The following NUMB variants were observed in gnomAD, a reference collection of about 807,000 sequenced individuals.
NUMB encodes NUMB endocytic adaptor protein, also known as protein numb homolog.
Under a neutral mutation model 59.7 loss-of-function variants are expected in NUMB, and 29 were observed. The ratio of observed to expected loss-of-function variants is 0.49; its 90% CI spans 0.36 to 0.66. NUMB has a LOEUF of 0.66. NUMB is among the 30% of genes least tolerant of loss of function. The pLI, the probability that NUMB is intolerant of heterozygous loss-of-function variation, is 0.00. For missense variants in NUMB, 723 were observed against 822.0 expected (o/e 0.88, Z 1.47); for synonymous variants, 288 against 288.2 (o/e 1.00, Z 0.01).
chr14:73,332,593 C>T (rs1892043941), intron 4 of NUMB, among the ~76,000 whole-genome samples: 1 of 151,790 alleles, frequency 6.6e-6, no homozygotes, highest in Admixed American at 6.6e-5. Flanking sequence ...GCTGCTCCAT[C>T]AGCTGTCATC....
At chr14:73,321,917 TC>T (rs1891424730) in intron 5 of NUMB, among the ~76,000 whole-genome samples, 1 of 152,202 alleles carries the variant, frequency 6.6e-6, no homozygotes. Context: ...TATGACAGAT[TC>T]AGGTATTTAT....
intron 1 of NUMB, among the ~76,000 whole-genome samples, chr14:73,453,232 A>G (rs1391302693): frequency 6.6e-6 from 1 of 152,146 alleles, no homozygotes; most frequent in Non-Finnish European, 1.5e-5. Flanking sequence ...TCCTGGGTTC[A>G]AGTGATTCTC....
At chr14:73,313,201 G>A (rs1465898697) in intron 6 of NUMB, among the ~76,000 whole-genome samples, 1 of 151,898 alleles carries the variant, frequency 6.6e-6, no homozygotes, top group African/African-American at 2.4e-5. Flanking sequence ...TGTTGGTCAG[G>A]CTGGTCTTGA....
rs34582645 is a variant in NUMB, at chr14:73,423,966, C to CAAA, written c.-232-13901_-232-13899dup. ...GGGTGACAGAGTGAGACCCTGTCTC[C>CAAA]AAAAAAAAAAAAAAAAAAAAAAGAC... On this transcript the variant is annotated intron_variant, in intron 1 of 12. Transcript: ENST00000555238. Among the ~76,000 whole-genome samples the CAAA allele has an allele frequency of 2.2e-3, 163 of 74,170 alleles. 1 individual carries two copies. The highest frequency in any genetic ancestry group is 6.9e-3 in the African/African-American group (147 of 21,178). The allele number at this position is 74,170 out of a possible 152,430, so 48.7% of individuals were successfully genotyped here.
intron 7 of NUMB, among the ~76,000 whole-genome samples, chr14:73,295,022 T>C (rs1889678712): frequency 8.0e-6 from 1 of 124,834 alleles, no homozygotes; most frequent in Non-Finnish European, 1.6e-5. Context: ...TCTGTGCCAC[T>C]GTACTCCAGC....
At chr14:73,331,411 G>A (rs1198923582) in intron 4 of NUMB, among the ~76,000 whole-genome samples, 2 of 152,098 alleles carry the variant, frequency 1.3e-5, no homozygotes, top group African/African-American at 2.4e-5. Context: ...CGGGCGTGGT[G>A]GTGGTGGGCA....
At chr14:73,451,051 G>C (rs1486034353) in intron 1 of NUMB, among the ~76,000 whole-genome samples, 3 of 150,268 alleles carry the variant, frequency 2.0e-5, no homozygotes, top group Non-Finnish European at 4.4e-5. Context: ...CTACTTGAGA[G>C]GCTGAGGCAG....
At chr14:73,370,552 C>T (rs534741936) in intron 2 of NUMB, among the ~76,000 whole-genome samples, 78 of 152,160 alleles carry the variant, frequency 5.1e-4, no homozygotes, top group African/African-American at 1.5e-3. Flanking sequence ...ATTAGCCGGG[C>T]GTGATGGCAC....
chr14:73,349,723 C>T (rs986656407), intron 4 of NUMB, among the ~76,000 whole-genome samples: 1 of 151,772 alleles, frequency 6.6e-6, no homozygotes, highest in African/African-American at 2.4e-5. Context: ...ACTATAAATA[C>T]AAAAAATTAG....
chr14:73,341,616 T>C (rs1892633268), intron 4 of NUMB, among the ~76,000 whole-genome samples: 1 of 152,152 alleles, frequency 6.6e-6, no homozygotes, highest in Non-Finnish European at 1.5e-5. Flanking sequence ...ACAGTACAGG[T>C]AGGATCACAG....
At chr14:73,404,824 G>C (rs967055056) in intron 2 of NUMB, among the ~76,000 whole-genome samples, 3 of 151,370 alleles carry the variant, frequency 2.0e-5, no homozygotes, top group Non-Finnish European at 4.4e-5. Flanking sequence ...GCAATGGTGT[G>C]ATCTTAGCTC....
At position 73,406,097 on chromosome 14, in the gene NUMB, T is replaced by TTG. The variant is rs1555379365; in HGVS notation, c.-101+3839_-101+3840insCA. ...CAGAATATTAACATATTTTTGTTTT[T>TTG]TTTTTTTTTTATTATACTTTAAGTT... On this transcript the variant is annotated intron_variant, in intron 2 of 12. Transcript: ENST00000555238. 1.3e-4 allele frequency among the ~76,000 whole-genome samples: 14 copies of TTG among 106,162 alleles called. No individual in the cohort carries two copies. In the East Asian group the frequency reaches 1.6e-3, roughly 12 times the overall value. 69.6% of individuals were successfully genotyped at this position (106,162 alleles called of 152,430 possible).
chr14:73,449,612 C>T (rs1221440065), intron 1 of NUMB, among the ~76,000 whole-genome samples: 1 of 152,116 alleles, frequency 6.6e-6, no homozygotes, highest in Non-Finnish European at 1.5e-5. Context: ...GCTTCATTTA[C>T]CCCATGTTTC....
rs888562986 is a variant in NUMB, at chr14:73,279,293, C to T, written c.1228G>A (p.Ala410Thr). ...APDAANKEIA[A>T]TCSGTEWGQS... is the part of the protein sequence containing the mutation. ...GTGGCCACCTTACCCGAACATGTGG[C>T]TGCAATTTCCTTGTTAGCAGCATCA... is the stretch of plus-strand genomic sequence containing the variant. The change falls in exon 12 of 13, where the codon GCC becomes ACC. Residue 410 changes from alanine (A) to threonine (T), a missense_variant. Coordinates refer to ENST00000555238, the MANE Select transcript of NUMB (RefSeq NM_001005743.2). 15 of 1,614,166 alleles carry T rather than the reference C, an allele frequency of 9.3e-6. No individual in the cohort carries two copies. Among genetic ancestry groups the T allele is most frequent in the African/African-American group, 1.3e-5 (1 of 75,066 alleles).
chr14:73,377,994 TACAC>T (rs61489875), intron 2 of NUMB, among the ~76,000 whole-genome samples: 4,714 of 146,458 alleles, frequency 0.032, 141 homozygotes, highest in African/African-American at 0.076. Context: ...TATATACACA[TACAC>T]ACACACACAC....
At chr14:73,411,582 G>A (rs1449967998) in intron 1 of NUMB, among the ~76,000 whole-genome samples, 1 of 152,104 alleles carries the variant, frequency 6.6e-6, no homozygotes, top group Non-Finnish European at 1.5e-5. Context: ...TTCTTCACTA[G>A]CTTCTAAGCA....
chr14:73,349,511 C>T (rs1363230527), intron 4 of NUMB, among the ~76,000 whole-genome samples: 3 of 149,478 alleles, frequency 2.0e-5, no homozygotes, highest in Non-Finnish European at 4.4e-5. Flanking sequence ...GACGCAGAGG[C>T]TGCAGTGAGC....
intron 2 of NUMB, among the ~76,000 whole-genome samples, chr14:73,398,240 T>C (rs977106336): frequency 2.6e-5 from 4 of 152,156 alleles, no homozygotes; most frequent in Non-Finnish European, 5.9e-5. Flanking sequence ...AGCTATAAAA[T>C]GGAATATGCA....
intron 4 of NUMB, 109 bp downstream of exon 4, chr14:73,355,517 G>A (rs966822617): frequency 2.3e-6 from 2 of 884,250 alleles, no homozygotes; most frequent in Non-Finnish European, 3.2e-6. Flanking sequence ...AATGTGAAGG[G>A]ATTTGTTTTT....
Sources: allele counts gnomAD v4.1 joint callset (sites outside exome capture counted in the v4.1 genomes callset), GRCh38; gene constraint gnomAD v4.1.1; transcripts MANE v1.5; gene names NCBI Gene and HGNC (gene_info 2026-07-23, HGNC 2026-07-21).